PCDH11Y: variants seen among roughly 807,000 people sequenced by gnomAD.
PCDH11Y encodes the protein protocadherin 11 Y-linked, also known as protocadherin-11 Y-linked.
For synonymous variants in PCDH11Y, 9 were observed against 83.6 expected, an observed-to-expected ratio of 0.11 and a Z score of 4.87; for missense variants, 12 against 224.8, an observed-to-expected ratio of 0.05 and a Z score of 6.05.
At chrY:5,386,128 G>T (rs113329281) in intron 2 of PCDH11Y, among the ~76,000 whole-genome samples, 2 of 33,299 alleles carry the variant, frequency 6.0e-5, no homozygotes, top group African/African-American at 2.3e-4. Flanking sequence ...AGTTTTGCTG[G>T]ATACAATACT....
intron 4 of PCDH11Y, among the ~76,000 whole-genome samples, chrY:5,703,338 T>G (rs2053579752): frequency 3.1e-5 from 1 of 32,633 alleles, no homozygotes; most frequent in East Asian, 7.9e-4. Flanking sequence ...TATGAATTTC[T>G]CAACAATATA....
chrY:5,400,107 C>G, intron 2 of PCDH11Y, among the ~76,000 whole-genome samples: 1 of 32,984 alleles, frequency 3.0e-5, no homozygotes, highest in Non-Finnish European at 7.4e-5. Flanking sequence ...TTATTGACAG[C>G]GAGCCAGTGA....
intron 2 of PCDH11Y, among the ~76,000 whole-genome samples, chrY:5,341,427 TA>T (rs2053144912): frequency 3.1e-5 from 1 of 32,616 alleles, no homozygotes; most frequent in Non-Finnish European, 7.5e-5. Context: ...ATTTTATAAT[TA>T]AAAAAAATCA....
At chrY:5,274,602 C>T in intron 2 of PCDH11Y, among the ~76,000 whole-genome samples, 1 of 34,088 alleles carries the variant, frequency 2.9e-5, no homozygotes. Context: ...GCCTCGGGCT[C>T]CCAAGGTGCT....
At chrY:5,736,736 C>T (rs2053609741) in intron 4 of PCDH11Y, among the ~76,000 whole-genome samples, 3 of 32,569 alleles carry the variant, frequency 9.2e-5, no homozygotes, top group Non-Finnish European at 2.3e-4. Context: ...ATAAAGAATA[C>T]CGAAATCACT....
chrY:5,424,320 C>T (rs2124679810), intron 2 of PCDH11Y, among the ~76,000 whole-genome samples: 1 of 33,316 alleles, frequency 3.0e-5, no homozygotes, highest in East Asian at 8.1e-4. Context: ...TCAGTTTAAC[C>T]ATCATTCTTG....
chrY:5,244,596 T>A (rs1602892638), intron 2 of PCDH11Y, among the ~76,000 whole-genome samples: 2 of 33,654 alleles, frequency 5.9e-5, no homozygotes, highest in African/African-American at 1.2e-4. Flanking sequence ...TGGGAAACCG[T>A]GCTTTTTCAC....
chrY:5,675,001 G>T, intron 4 of PCDH11Y, among the ~76,000 whole-genome samples: 1 of 33,638 alleles, frequency 3.0e-5, no homozygotes, highest in Non-Finnish European at 7.4e-5. Context: ...TATGACAGAG[G>T]CTCCTGGAAG....
intron 3 of PCDH11Y, among the ~76,000 whole-genome samples, chrY:5,532,216 G>T (rs2053394173): frequency 7.1e-5 from 2 of 27,973 alleles, no homozygotes; most frequent in Admixed American, 3.4e-4. Flanking sequence ...CTGTTTTAAG[G>T]TGTATATATA....
chrY:5,481,210 T>A (rs2053325452), intron 2 of PCDH11Y, among the ~76,000 whole-genome samples: 5 of 32,755 alleles, frequency 1.5e-4, no homozygotes, highest in Non-Finnish European at 3.7e-4. Flanking sequence ...ATCTGCAGAT[T>A]GCAAAAACTA....
chrY:5,595,649 C>A (rs2124698962), intron 4 of PCDH11Y, among the ~76,000 whole-genome samples: 1 of 32,999 alleles, frequency 3.0e-5, no homozygotes, highest in South Asian at 6.8e-4. Context: ...TTTTAAGAAA[C>A]AGAGGAGATA....
At chrY:5,682,674 T>C in intron 4 of PCDH11Y, among the ~76,000 whole-genome samples, 3 of 31,001 alleles carry the variant, frequency 9.7e-5, no homozygotes, top group Admixed American at 3.0e-4. Flanking sequence ...ATTCAAATTA[T>C]ATCAAGCTCC....
At chrY:5,654,478 C>A in intron 4 of PCDH11Y, among the ~76,000 whole-genome samples, 3 of 33,220 alleles carry the variant, frequency 9.0e-5, no homozygotes, top group African/African-American at 3.5e-4. Context: ...TGCAATCAAC[C>A]TACATACCCA....
At chrY:5,011,371 G>T in intron 1 of PCDH11Y, among the ~76,000 whole-genome samples, 2 of 33,884 alleles carry the variant, frequency 5.9e-5, no homozygotes, top group Non-Finnish European at 1.5e-4. Flanking sequence ...AAATCCAAAA[G>T]CTGTGAGAAG....
At chrY:5,003,096 C>A (rs772774242) in intron 1 of PCDH11Y, among the ~76,000 whole-genome samples, 2 of 34,428 alleles carry the variant, frequency 5.8e-5, no homozygotes, top group Non-Finnish European at 1.5e-4. Flanking sequence ...CAGCCCCCCC[C>A]CTTCCAGTCC....
At chrY:5,635,224 A>G (rs2053516987) in intron 4 of PCDH11Y, among the ~76,000 whole-genome samples, 1 of 33,241 alleles carries the variant, frequency 3.0e-5, no homozygotes, top group Non-Finnish European at 7.4e-5. Flanking sequence ...ATAAGCTTCT[A>G]TTTTACCAGG....
intron 3 of PCDH11Y, among the ~76,000 whole-genome samples, chrY:5,538,288 G>T (rs2053402396): frequency 6.0e-5 from 2 of 33,527 alleles, no homozygotes; most frequent in African/African-American, 2.3e-4. Context: ...GATTGCTATT[G>T]GGAAAACAAT....
intron 2 of PCDH11Y, among the ~76,000 whole-genome samples, chrY:5,316,606 C>A (rs2053107646): frequency 3.0e-5 from 1 of 33,037 alleles, no homozygotes; most frequent in Non-Finnish European, 7.4e-5. Context: ...TTTTTAATTT[C>A]TTCCTTGTTA....
intron 2 of PCDH11Y, among the ~76,000 whole-genome samples, chrY:5,445,519 T>C: frequency 3.6e-5 from 1 of 28,064 alleles, no homozygotes; most frequent in African/African-American, 1.4e-4. Context: ...CTCCTCCTTT[T>C]CCTCCTCCTC....
Sources: gnomAD v4.1 joint callset for allele counts (sites outside exome capture counted in the v4.1 genomes callset) on GRCh38, gnomAD v4.1.1 for gene constraint, MANE v1.5 for transcripts, NCBI Gene and HGNC (gene_info 2026-07-23, HGNC 2026-07-21) for gene names.